The following VGLL1 variants were observed in gnomAD, a reference collection of about 807,000 sequenced individuals.
VGLL1 encodes the protein vestigial like family member 1.
VGLL1 carries 4 observed loss-of-function variants against 12.0 expected under a neutral mutation model. The observed-to-expected ratio is 0.33, with a 90% confidence interval of 0.16 to 0.76. VGLL1 has a LOEUF of 0.76. Among genes scored for constraint, VGLL1 ranks in the 30% least tolerant of loss-of-function variants. The probability of loss-of-function intolerance (pLI) is 0.60; values close to 1 mark genes in which losing one functional copy is unlikely to be tolerated. For synonymous variants in VGLL1, 87 were observed against 81.2 expected (o/e 1.07, Z -0.39); for missense variants, 204 against 208.7 (o/e 0.98, Z 0.14).
chrX:136,533,012 G>A (rs111697712), intron 1 of VGLL1, among the ~76,000 whole-genome samples: 3 of 111,262 alleles, frequency 2.7e-5, no homozygotes, highest in Non-Finnish European at 5.7e-5. Context: ...ATTAATTCAT[G>A]AATGAAGAGA....
At chrX:136,553,306 C>CTTTT (rs1226003954) in intron 4 of VGLL1, among the ~76,000 whole-genome samples, 6 of 72,408 alleles carry the variant, frequency 8.3e-5, no homozygotes, top group Non-Finnish European at 1.3e-4. Flanking sequence ...ATGTTTTATT[C>CTTTT]TTTTTTTTTT....
intron 2 of VGLL1, among the ~76,000 whole-genome samples, chrX:136,541,998 C>T (rs1175307523): frequency 9.0e-6 from 1 of 110,946 alleles, no homozygotes; most frequent in Non-Finnish European, 1.9e-5. Context: ...GGGCATGGTC[C>T]TGGTACGTAT....
At position 136,556,591 on chromosome X, in the gene VGLL1, T is replaced by A. The variant is rs367554675; in HGVS notation, c.*52T>A. 9.3e-6 allele frequency: 10 copies of A among 1,075,855 alleles called. No homozygotes were observed. The African/African-American group carries it at 1.5e-4, about 16-fold the overall frequency. 88.7% of individuals were successfully genotyped at this position (1,075,855 alleles called of 1,213,427 possible). On this transcript the variant is annotated 3_prime_UTR_variant, in exon 5 of 5. Transcript: ENST00000370634. ...TGGTCTAAGACACGGCAGCAAGACA[T>A]CCCTGCATATTGTTCCAGATAAAAA...
chrX:136,547,689 C>T (rs1228668367), intron 2 of VGLL1, among the ~76,000 whole-genome samples: 1 of 111,211 alleles, frequency 9.0e-6, no homozygotes, highest in Non-Finnish European at 1.9e-5. Context: ...CTGTCGAGTC[C>T]CCCTATTTGG....
intron 2 of VGLL1, among the ~76,000 whole-genome samples, chrX:136,547,184 C>T (rs1358418422): frequency 8.9e-6 from 1 of 112,634 alleles, no homozygotes; most frequent in Non-Finnish European, 1.9e-5. Context: ...TTTGTCTCCA[C>T]ACCCACCCTC....
Position 136,556,686 on chromosome X carries a change from C to G in VGLL1, c.*147C>G. On this transcript the variant is annotated 3_prime_UTR_variant, in exon 5 of 5. Coordinates refer to ENST00000370634, the MANE Select transcript of VGLL1 (RefSeq NM_016267.4). ...CTTCGTGTCTAGTATGAGCTCAGTA[C>G]TTGCCCTGTGAAAATCCCAGAAGCC... The G allele has an allele frequency of 2.1e-6, 1 of 468,894 alleles. No homozygotes were observed. Among genetic ancestry groups the G allele is most frequent in the Non-Finnish European group, 3.5e-6 (1 of 283,715 alleles). The allele number at this position is 468,894 out of a possible 1,213,427, so 38.6% of individuals were successfully genotyped here.
chrX:136,536,358 T>A, intron 2 of VGLL1, 124 bp downstream of exon 2: 1 of 663,548 alleles, frequency 1.5e-6, no homozygotes, highest in Non-Finnish European at 2.3e-6. Flanking sequence ...TTGCTCTGAC[T>A]AGTGAGAAGC....
intron 3 of VGLL1, among the ~76,000 whole-genome samples, chrX:136,549,243 T>C (rs1395102760): frequency 8.9e-6 from 1 of 111,974 alleles, no homozygotes; most frequent in African/African-American, 3.2e-5. Flanking sequence ...TGGCCCGAAG[T>C]ACTCACCCTA....
At chrX:136,539,200 T>C (rs896112890) in intron 2 of VGLL1, among the ~76,000 whole-genome samples, 17 of 112,162 alleles carry the variant, frequency 1.5e-4, no homozygotes, top group African/African-American at 4.5e-4. Context: ...CATCAAGCCA[T>C]GGTCTCACTT....
chrX:136,542,258 T>C (rs906331467), intron 2 of VGLL1, among the ~76,000 whole-genome samples: 2 of 111,760 alleles, frequency 1.8e-5, no homozygotes, highest in Admixed American at 1.9e-4. Context: ...GTCATGCTAG[T>C]TGTTTATGGC....
chrX:136,545,278 G>A lies in VGLL1; in HGVS notation c.215-3311G>A, dbSNP rs774958541. Among the ~76,000 whole-genome samples the A allele has an allele frequency of 1.4e-3, 151 of 111,756 alleles. 1 individual carries two copies. Among genetic ancestry groups the A allele is most frequent in the African/African-American group, 4.6e-3 (141 of 30,584 alleles). On this transcript the variant is annotated intron_variant, in intron 2 of 4. Transcript: ENST00000370634. ...ATTTAGAAAGGTTCAGTGGGGAAGG[G>A]TGTGTATGTGTGTGTGTGTGCATGT... is the stretch of plus-strand genomic sequence containing the variant.
rs754159582 is a variant in VGLL1, at chrX:136,548,773, C to G, written c.399C>G (p.Phe133Leu). Residue 133 changes from phenylalanine (F) to leucine (L), a missense_variant, in exon 3 of 5, where the codon TTC becomes TTG. Physicochemically the swap from Phe to Leu is conservative, Grantham distance 22 (BLOSUM62 0). Coordinates refer to ENST00000370634, the MANE Select transcript of VGLL1 (RefSeq NM_016267.4). ...ASVRPGELWHFSSLAGTSSLE... is the reference protein window; with the variant it reads ...ASVRPGELWHLSSLAGTSSLE... ...TTCGGCCTGGGGAGCTGTGGCATTT[C>G]TCCTCCCTGGCGGGCACCAGCTCCT... The G allele has an allele frequency of 2.5e-6, 3 of 1,212,137 alleles. No homozygotes were observed. In the Admixed American group the frequency reaches 6.5e-5, roughly 26 times the overall value.
intron 2 of VGLL1, among the ~76,000 whole-genome samples, chrX:136,539,253 C>A (rs1455055467): frequency 8.9e-6 from 1 of 112,025 alleles, no homozygotes; most frequent in African/African-American, 3.3e-5. Context: ...TGGGATAAAA[C>A]CAACTCTTGG....
intron 2 of VGLL1, 64 bp downstream of exon 2, chrX:136,536,298 CT>C: frequency 9.4e-7 from 1 of 1,063,251 alleles, no homozygotes; most frequent in Non-Finnish European, 1.3e-6. Context: ...TACACCAGTT[CT>C]TTGATGTACT....
intron 4 of VGLL1, among the ~76,000 whole-genome samples, chrX:136,551,739 T>G (rs2148533496): frequency 9.0e-6 from 1 of 111,609 alleles, no homozygotes; most frequent in African/African-American, 3.3e-5. Flanking sequence ...GAATTCTTTT[T>G]GGAGGGCATC....
At chrX:136,535,018 G>A (rs1289944476) in intron 1 of VGLL1, among the ~76,000 whole-genome samples, 1 of 112,104 alleles carries the variant, frequency 8.9e-6, no homozygotes, top group African/African-American at 3.2e-5. Context: ...TGGCAAGTCA[G>A]ATTCGGTGAT....
chrX:136,543,505 C>T (rs1410663285), intron 2 of VGLL1, among the ~76,000 whole-genome samples: 1 of 111,467 alleles, frequency 9.0e-6, no homozygotes, highest in African/African-American at 3.3e-5. Flanking sequence ...GTAGGCCAGG[C>T]ATGGTGGCTC....
intron 1 of VGLL1, among the ~76,000 whole-genome samples, chrX:136,534,622 A>G (rs756379066): frequency 8.9e-6 from 1 of 112,818 alleles, no homozygotes; most frequent in Admixed American, 9.4e-5. Flanking sequence ...ATTCAAGTAC[A>G]TGTCTTTGTG....
chrX:136,547,364 C>T (rs2148532307), intron 2 of VGLL1, among the ~76,000 whole-genome samples: 1 of 112,248 alleles, frequency 8.9e-6, no homozygotes, highest in South Asian at 3.7e-4. Context: ...CTATCATAGG[C>T]ACAATAAGAA....
Sources: gnomAD v4.1 joint callset for allele counts (sites outside exome capture counted in the v4.1 genomes callset) on GRCh38, gnomAD v4.1.1 for gene constraint, MANE v1.5 for transcripts, NCBI Gene and HGNC (gene_info 2026-07-23, HGNC 2026-07-21) for gene names.